Variants in DLG2 observed in about 807,000 individuals in gnomAD.
DLG2 encodes discs large MAGUK scaffold protein 2.
Under a neutral mutation model 132.5 loss-of-function variants are expected in DLG2, and 45 were observed. That is an observed-to-expected ratio of 0.34 (90% confidence interval 0.27 to 0.44). DLG2 has a LOEUF of 0.44. DLG2 is among the 20% of genes least tolerant of loss of function. The pLI is 1.00. For missense variants in DLG2, 1,045 were observed against 1,196.9 expected (o/e 0.87, Z 1.87); for synonymous variants, 424 against 419.6 (o/e 1.01, Z -0.13).
At chr11:85,073,368 T>C (rs1280075012) in intron 6 of DLG2, among the ~76,000 whole-genome samples, 2 of 151,882 alleles carry the variant, frequency 1.3e-5, no homozygotes, top group African/African-American at 2.4e-5. Flanking sequence ...AGTGGCTGAA[T>C]AACCTTTTAA....
Position 84,464,707 on chromosome 11 carries a change from G to T in DLG2, c.519+69863C>A, listed in dbSNP as rs539114749. Among the ~76,000 whole-genome samples, 4 of 151,066 alleles carry T rather than the reference G, an allele frequency of 2.6e-5. No individual in the cohort carries two copies. The South Asian group carries it at 8.3e-4, about 31-fold the overall frequency. ...ACTATAATTATTAATATTAAATTAA[G>T]ATAAAAAGCTTATAGTGGACTTGAA... On this transcript the variant is annotated intron_variant, in intron 7 of 27. Coordinates refer to ENST00000376104, the MANE Select transcript of DLG2 (RefSeq NM_001142699.3).
intron 3 of DLG2, among the ~76,000 whole-genome samples, chr11:85,591,703 C>T (rs1192463842): frequency 6.6e-6 from 1 of 152,184 alleles, no homozygotes; most frequent in Non-Finnish European, 1.5e-5. Flanking sequence ...GATCAAGCCA[C>T]TGCACTCCAG....
chr11:84,354,185 C>A (rs77278859), intron 7 of DLG2, among the ~76,000 whole-genome samples: 1 of 152,034 alleles, frequency 6.6e-6, no homozygotes, highest in Non-Finnish European at 1.5e-5. Context: ...AGTAAAATAT[C>A]ATAACATCAA....
chr11:84,794,394 T>G (rs2074275737), intron 6 of DLG2, among the ~76,000 whole-genome samples: 1 of 152,166 alleles, frequency 6.6e-6, no homozygotes, highest in Admixed American at 6.5e-5. Flanking sequence ...GGCTGTGTAC[T>G]CCATGGAGCC....
intron 3 of DLG2, among the ~76,000 whole-genome samples, chr11:85,482,069 C>T (rs997091604): frequency 1.3e-5 from 2 of 151,468 alleles, no homozygotes; most frequent in African/African-American, 4.9e-5. Flanking sequence ...AGGCTCCAGA[C>T]CAACCCCAAG....
intron 15 of DLG2, among the ~76,000 whole-genome samples, chr11:83,882,036 T>C (rs1207878026): frequency 6.6e-6 from 1 of 152,122 alleles, no homozygotes; most frequent in East Asian, 1.9e-4. Flanking sequence ...TACCTACATT[T>C]AAAGAAATCC....
intron 6 of DLG2, 136 bp from the exon 7 acceptor site, chr11:84,534,867 G>T: frequency 2.9e-6 from 3 of 1,017,666 alleles, no homozygotes; most frequent in Non-Finnish European, 4.6e-6. Context: ...GGGCTTTGCT[G>T]CAGACTCTTC....
intron 16 of DLG2, among the ~76,000 whole-genome samples, chr11:83,868,970 TA>T (rs975392970): frequency 2.0e-5 from 3 of 152,180 alleles, no homozygotes; most frequent in African/African-American, 7.2e-5. Flanking sequence ...AACGGTCCCT[TA>T]AAAGTTTACG....
At chr11:85,273,049 A>T (rs1198961936) in intron 4 of DLG2, among the ~76,000 whole-genome samples, 2 of 152,228 alleles carry the variant, frequency 1.3e-5, no homozygotes, top group African/African-American at 4.8e-5. Context: ...CTGGCTAGCC[A>T]TATGTAGAAA....
intron 6 of DLG2, among the ~76,000 whole-genome samples, chr11:85,024,475 A>C (rs573321818): frequency 1.3e-5 from 2 of 152,324 alleles, no homozygotes; most frequent in African/African-American, 4.8e-5. Flanking sequence ...CAGTCAGCAA[A>C]GACTAGAAAT....
chr11:83,943,923 T>C (rs980066474), intron 14 of DLG2, among the ~76,000 whole-genome samples: 4 of 152,144 alleles, frequency 2.6e-5, no homozygotes, highest in African/African-American at 9.7e-5. Context: ...AAATGGCCTT[T>C]TAAGATCTAC....
chr11:84,815,325 T>C (rs2076980154), intron 6 of DLG2, among the ~76,000 whole-genome samples: 1 of 152,092 alleles, frequency 6.6e-6, no homozygotes, highest in Non-Finnish European at 1.5e-5. Flanking sequence ...AGTTTTTGAC[T>C]GTCCCAGGAC....
chr11:83,825,040 T>C (rs1167846896), intron 17 of DLG2, among the ~76,000 whole-genome samples: 1 of 151,126 alleles, frequency 6.6e-6, no homozygotes, highest in Non-Finnish European at 1.5e-5. Flanking sequence ...TTTTTCTTTT[T>C]GTTGTTGTTG....
At chr11:84,432,868 C>CA (rs547856222) in intron 7 of DLG2, among the ~76,000 whole-genome samples, 2 of 151,832 alleles carry the variant, frequency 1.3e-5, no homozygotes, top group Non-Finnish European at 2.9e-5. Context: ...ACTAAAAACG[C>CA]AAAAAATTAG....
chr11:85,107,529 C>A (rs1259306321), intron 6 of DLG2, among the ~76,000 whole-genome samples: 1 of 151,990 alleles, frequency 6.6e-6, no homozygotes, highest in Non-Finnish European at 1.5e-5. Flanking sequence ...TTCTTTAATT[C>A]CAAGCGCCAA....
intron 5 of DLG2, among the ~76,000 whole-genome samples, chr11:85,135,066 A>C (rs1381974913): frequency 6.6e-6 from 1 of 152,196 alleles, no homozygotes; most frequent in Non-Finnish European, 1.5e-5. Context: ...ATTTTAACTC[A>C]ATACTTCCTA....
intron 5 of DLG2, among the ~76,000 whole-genome samples, chr11:85,123,988 T>C (rs546252292): frequency 9.8e-5 from 15 of 152,292 alleles, no homozygotes; most frequent in African/African-American, 3.4e-4. Flanking sequence ...ACTACACAAA[T>C]AGAAATTTGC....
At chr11:83,783,135 G>A (rs999848411) in intron 18 of DLG2, among the ~76,000 whole-genome samples, 4 of 152,036 alleles carry the variant, frequency 2.6e-5, no homozygotes, top group African/African-American at 9.7e-5. Context: ...TTTAAAAGTT[G>A]GCAAAAATGA....
intron 7 of DLG2, among the ~76,000 whole-genome samples, chr11:84,385,810 A>G (rs775919359): frequency 1.2e-4 from 18 of 152,110 alleles, no homozygotes; most frequent in Non-Finnish European, 2.1e-4. Context: ...TAAATCTTAA[A>G]TGAACAATAA....
Sources: allele counts gnomAD v4.1 joint callset (sites outside exome capture counted in the v4.1 genomes callset), GRCh38; gene constraint gnomAD v4.1.1; transcripts MANE v1.5; gene names NCBI Gene and HGNC (gene_info 2026-07-23, HGNC 2026-07-21).